The following MDN1 variants were observed in gnomAD, a reference collection of about 807,000 sequenced individuals.
MDN1 encodes the protein midasin AAA ATPase 1.
MDN1 carries 266 observed loss-of-function variants against 669.2 expected under a neutral mutation model. The ratio of observed to expected loss-of-function variants is 0.40; its 90% confidence interval spans 0.36 to 0.44. The LOEUF is 0.44. MDN1 is among the 20% of genes least tolerant of loss of function. MDN1 has a pLI of 1.00. For missense variants in MDN1, 5,940 were observed against 6,754.0 expected (o/e 0.88, Z 4.22); for synonymous variants, 2,385 against 2,457.1 (o/e 0.97, Z 0.87).
intron 62 of MDN1, 33 bp from the exon 63 acceptor site, chr6:89,693,181 G>T (rs1298374639): frequency 1.4e-6 from 2 of 1,451,634 alleles, no homozygotes; most frequent in Non-Finnish European, 1.9e-6. Flanking sequence ...TGCCAATTAT[G>T]TCAGAAGAAG....
chr6:89,696,547 A>G lies in MDN1; in HGVS notation c.9196T>C (p.Phe3066Leu). The change falls in exon 60 of 102, where the codon TTC (phenylalanine) becomes CTC (leucine). Residue 3066 changes from phenylalanine to leucine, a missense_variant. Physicochemically the swap from Phe to Leu is conservative, Grantham distance 22. Coordinates refer to ENST00000369393, the MANE Select transcript of MDN1 (RefSeq NM_014611.3). Reference protein sequence around the residue: ...KGPGNLNRPIFSKCCFEVLTS... With the variant: ...KGPGNLNRPILSKCCFEVLTS... The stretch of plus-strand genomic sequence containing the variant: ...AAGACTTCAAAGCAGCACTTAGAGA[A>G]TATGGGTCTATTGAGATTGCCGGGG... 6.2e-7 allele frequency: 1 copy of G among 1,614,168 alleles called. No homozygotes were observed. The highest frequency in any genetic ancestry group is 1.3e-5 in the African/African-American group (1 of 75,062).
intron 36 of MDN1, 122 bp downstream of exon 36, chr6:89,728,809 G>C: frequency 9.2e-7 from 1 of 1,092,380 alleles, no homozygotes; most frequent in Non-Finnish European, 1.3e-6. Context: ...ACAAAGAAAA[G>C]AAAAGAAAAG....
intron 78 of MDN1, 31 bp from the exon 79 acceptor site, chr6:89,674,620 A>G (rs776507376): frequency 8.0e-6 from 12 of 1,505,702 alleles, no homozygotes; most frequent in South Asian, 1.3e-5. Flanking sequence ...GAAAAACACA[A>G]TGAATGGCAC....
At chr6:89,773,553 A>G (rs1818214000) in intron 13 of MDN1, among the ~76,000 whole-genome samples, 1 of 151,572 alleles carries the variant, frequency 6.6e-6, no homozygotes, top group South Asian at 2.1e-4. Flanking sequence ...AAAAAAAAAA[A>G]AAGAAGAGAA....
At chr6:89,743,069 T>A in intron 31 of MDN1, 81 bp downstream of exon 31, 1 of 1,535,178 alleles carries the variant, frequency 6.5e-7, no homozygotes, top group South Asian at 1.2e-5. Context: ...GGTGACAGAG[T>A]GAGAACACTG....
At chr6:89,798,176 T>G (rs1819709463) in intron 2 of MDN1, among the ~76,000 whole-genome samples, 1 of 99,500 alleles carries the variant, frequency 1.0e-5, no homozygotes, top group Non-Finnish European at 1.9e-5. Flanking sequence ...AGCGAGACTC[T>G]GTCTCAAAAA....
chr6:89,720,325 C>T (rs2128313392), intron 40 of MDN1, among the ~76,000 whole-genome samples: 1 of 151,274 alleles, frequency 6.6e-6, no homozygotes. Flanking sequence ...AGGAGAATCA[C>T]TTGAACCCAG....
At chr6:89,713,326 AAT>A (rs1814091031) in intron 46 of MDN1, 30 bp from the exon 47 acceptor site, 8 of 1,559,748 alleles carry the variant, frequency 5.1e-6, no homozygotes, top group Non-Finnish European at 7.0e-6. Flanking sequence ...ATCTATAAAC[AAT>A]AGAGTCTTTA....
chr6:89,646,686 A>G lies in MDN1; in HGVS notation c.16396-83T>C, dbSNP rs1808511431. On this transcript the variant is annotated intron_variant, in intron 99 of 101. Transcript: ENST00000369393. The stretch of plus-strand genomic sequence containing the variant: ...CAAAGAGACTGATAGTATTTCTGAC[A>G]TTGAAGTGATTATCAGATAACCACC... 4 of 1,202,010 alleles carry G rather than the reference A, an allele frequency of 3.3e-6. No homozygotes were observed. In the African/African-American group the frequency reaches 4.5e-5, roughly 14 times the overall value. The allele number at this position is 1,202,010 out of a possible 1,614,324, so 74.5% of individuals were successfully genotyped here. A position where few individuals can be genotyped will look rare whatever the true frequency, so the allele number is the denominator to read the frequency against.
At chr6:89,797,680 T>A (rs562050673) in intron 2 of MDN1, 1 of 480,676 alleles carries the variant, frequency 2.1e-6, no homozygotes, top group Non-Finnish European at 4.2e-6. Context: ...TTTCAAAGTC[T>A]ACCAAAATCT....
intron 101 of MDN1, among the ~76,000 whole-genome samples, chr6:89,644,542 G>A (rs1210061668): frequency 6.6e-6 from 1 of 152,126 alleles, no homozygotes. Context: ...CAGAGACAAT[G>A]CTTCCCTGGA....
chr6:89,687,173 T>G, intron 68 of MDN1, 150 bp from the exon 69 acceptor site: 1 of 1,274,974 alleles, frequency 7.8e-7, no homozygotes, highest in Non-Finnish European at 1.1e-6. Flanking sequence ...TATATGCTGT[T>G]GTCTGGACTG....
intron 70 of MDN1, among the ~76,000 whole-genome samples, chr6:89,685,209 A>C (rs1183366352): frequency 6.6e-6 from 1 of 152,040 alleles, no homozygotes; most frequent in East Asian, 1.9e-4. Context: ...TGCTTGTAAC[A>C]GATGTTTTTT....
Position 89,655,809 on chromosome 6 carries a change from C to G in MDN1, c.15445G>C (p.Glu5149Gln), listed in dbSNP as rs752438955. ...GCGTCACTGCCTTGTTTAATGTGCT[C>G]GAATGCATCTGCATCCTCCACCTGG... ...QAQVEDADAFEHIKQGSDAYD... is the reference protein window; with the variant it reads ...QAQVEDADAFQHIKQGSDAYD... Residue 5149 changes from glutamate to glutamine, a missense_variant, in exon 92 of 102, where the codon GAG becomes CAG. Glu to Gln is a conservative substitution (Grantham distance 29). Coordinates refer to ENST00000369393, the MANE Select transcript of MDN1 (RefSeq NM_014611.3). 2 of 1,613,530 alleles carry G rather than the reference C, an allele frequency of 1.2e-6. No homozygotes were observed.
Position 89,642,562 on chromosome 6 carries a change from C to T in MDN1, c.*1443G>A, listed in dbSNP as rs542592002. On this transcript the variant is annotated 3_prime_UTR_variant, in exon 102 of 102. Transcript: ENST00000369393. ...TAAGGCTACACCAACTCATCCTTTT[C>T]ATTCTGCTGCAAAGCCAGCATATTA... is the stretch of plus-strand genomic sequence containing the variant. 5.3e-4 allele frequency: 80 copies of T among 152,336 alleles called. No homozygotes were observed. The highest frequency in any genetic ancestry group is 1.9e-3 in the African/African-American group (79 of 41,568). The allele number at this position is 152,336 out of a possible 1,614,324, so 9.4% of individuals were successfully genotyped here.
chr6:89,664,434 A>C, intron 85 of MDN1, 53 bp downstream of exon 85: 2 of 1,598,506 alleles, frequency 1.3e-6, no homozygotes, highest in Non-Finnish European at 1.7e-6. Flanking sequence ...AATTTCCTGG[A>C]TAAAATATTT....
chr6:89,680,168 C>T (rs535649172), intron 74 of MDN1, among the ~76,000 whole-genome samples: 10 of 151,962 alleles, frequency 6.6e-5, no homozygotes, highest in Non-Finnish European at 1.3e-4. Context: ...TGAGCAAAGA[C>T]AGCCTGAGAA....
chr6:89,797,616 G>T, intron 2 of MDN1: 1 of 448,280 alleles, frequency 2.2e-6, no homozygotes, highest in South Asian at 1.7e-5. Flanking sequence ...GGGATTCGTA[G>T]GCCATTATGT....
In MDN1 at chr6:89,743,296, G is replaced by C. The variant is rs375194416; in HGVS notation, c.4318-16C>G. The C allele has an allele frequency of 5.0e-6, 8 of 1,613,810 alleles. No individual in the cohort carries two copies. The highest frequency in any genetic ancestry group is 6.8e-6 in the Non-Finnish European group (8 of 1,179,920). On this transcript the variant is annotated splice_polypyrimidine_tract_variant and intron_variant, in intron 30 of 101. Coordinates refer to ENST00000369393, the MANE Select transcript of MDN1 (RefSeq NM_014611.3). ...CAATTTCTTCCTATAATTTGAAAAAGTGGGGAAAATTAAAGGGCAGGTGGC... is the reference window on the plus strand; with the variant it reads ...CAATTTCTTCCTATAATTTGAAAAACTGGGGAAAATTAAAGGGCAGGTGGC...
Sources: gnomAD v4.1 joint callset for allele counts (sites outside exome capture counted in the v4.1 genomes callset) on GRCh38, gnomAD v4.1.1 for gene constraint, MANE v1.5 for transcripts, NCBI Gene and HGNC (gene_info 2026-07-23, HGNC 2026-07-21) for gene names.